The following REEP3 variants were observed in gnomAD, a reference collection of about 807,000 sequenced individuals.
The protein encoded by REEP3 is receptor expression-enhancing protein 3.
A neutral mutation model predicts 41.3 loss-of-function variants in REEP3; 20 were observed. The ratio of observed to expected loss-of-function variants is 0.48; its 90% CI spans 0.34 to 0.70. REEP3 has a LOEUF of 0.70. Among genes scored for constraint, REEP3 ranks in the 30% least tolerant of loss-of-function variants. The pLI is 0.01. For missense variants in REEP3, 271 were observed against 308.8 expected, an observed-to-expected ratio of 0.88 and a Z score of 0.92; for synonymous variants, 104 against 101.8, an observed-to-expected ratio of 1.02 and a Z score of -0.13.
intron 1 of REEP3, among the ~76,000 whole-genome samples, chr10:63,550,227 G>A (rs1191605286): frequency 1.3e-5 from 2 of 152,170 alleles, no homozygotes; most frequent in African/African-American, 4.8e-5. Flanking sequence ...ATTATACCAT[G>A]GGAAGGAGGT....
At chr10:63,537,655 T>G (rs536428579) in intron 1 of REEP3, among the ~76,000 whole-genome samples, 1 of 152,232 alleles carries the variant, frequency 6.6e-6, no homozygotes, top group Non-Finnish European at 1.5e-5. Context: ...AGGGAGCAGG[T>G]AGCAACGGAA....
At chr10:63,545,523 C>G (rs534505471) in intron 1 of REEP3, among the ~76,000 whole-genome samples, 1 of 151,564 alleles carries the variant, frequency 6.6e-6, no homozygotes, top group African/African-American at 2.4e-5. Context: ...TACAGGCACC[C>G]GCCACCATGC....
intron 1 of REEP3, among the ~76,000 whole-genome samples, chr10:63,533,766 G>A (rs1955448514): frequency 7.6e-6 from 1 of 131,600 alleles, no homozygotes; most frequent in Admixed American, 8.6e-5. Context: ...GGAGTGCAGT[G>A]GCGCGATCTC....
At chr10:63,607,075 T>C (rs1956235450) in intron 5 of REEP3, among the ~76,000 whole-genome samples, 1 of 152,238 alleles carries the variant, frequency 6.6e-6, no homozygotes, top group African/African-American at 2.4e-5. Context: ...TCTTCAGAAG[T>C]GATTACTTTG....
chr10:63,544,860 G>A (rs1050658483), intron 1 of REEP3, among the ~76,000 whole-genome samples: 4 of 152,192 alleles, frequency 2.6e-5, no homozygotes, highest in South Asian at 2.1e-4. Context: ...TTGAGAAGAC[G>A]ACCCAATTCT....
At chr10:63,613,574 C>T (rs1956291554) in intron 6 of REEP3, among the ~76,000 whole-genome samples, 1 of 152,096 alleles carries the variant, frequency 6.6e-6, no homozygotes, top group Non-Finnish European at 1.5e-5. Flanking sequence ...TCTCTCTTGA[C>T]CGTATTTTTA....
intron 4 of REEP3, among the ~76,000 whole-genome samples, 156 bp downstream of exon 4, chr10:63,598,300 T>C (rs1357406203): frequency 1.3e-5 from 2 of 149,134 alleles, no homozygotes; most frequent in East Asian, 4.0e-4. Context: ...GCCAACATGG[T>C]GAAACCCCAC....
chr10:63,592,614 G>A (rs1956074848), intron 2 of REEP3, among the ~76,000 whole-genome samples: 2 of 152,182 alleles, frequency 1.3e-5, no homozygotes, highest in Non-Finnish European at 2.9e-5. Context: ...TTATGGGCCG[G>A]GCGCGGTGGC....
chr10:63,561,341 G>T (rs950933874), intron 1 of REEP3, among the ~76,000 whole-genome samples: 3 of 152,172 alleles, frequency 2.0e-5, no homozygotes, highest in Admixed American at 6.5e-5. Context: ...AGGAAGGGTA[G>T]ATCTTGAAGA....
At chr10:63,611,470 T>C (rs933579388) in intron 6 of REEP3, among the ~76,000 whole-genome samples, 1 of 152,206 alleles carries the variant, frequency 6.6e-6, no homozygotes, top group Non-Finnish European at 1.5e-5. Flanking sequence ...TCATAGTTAA[T>C]ATATTCTAAA....
intron 5 of REEP3, among the ~76,000 whole-genome samples, chr10:63,602,487 C>A (rs900054692): frequency 6.6e-6 from 1 of 152,180 alleles, no homozygotes; most frequent in Non-Finnish European, 1.5e-5. Flanking sequence ...CATCCTTCAA[C>A]ATGGTTCTAT....
chr10:63,528,390 C>T lies in REEP3; in HGVS notation c.32+6813C>T, dbSNP rs1434924228. Among the ~76,000 whole-genome samples, 3 of 152,272 alleles carry T rather than the reference C, an allele frequency of 2.0e-5. No individual in the cohort carries two copies. The East Asian group carries it at 5.8e-4, about 29-fold the overall frequency. The stretch of plus-strand genomic sequence containing the variant: ...TTTCTCTAGTTCCCTACATTGAATC[C>T]GCAAATCTTGTTGACTCTGCTTTCA... On this transcript the variant is annotated intron_variant, in intron 1 of 7. Transcript: ENST00000373758.
At chr10:63,601,024 G>A (rs1383495304) in intron 5 of REEP3, among the ~76,000 whole-genome samples, 1 of 151,874 alleles carries the variant, frequency 6.6e-6, no homozygotes, top group Non-Finnish European at 1.5e-5. Flanking sequence ...GTGGTGGGGG[G>A]GCGCCTGTAA....
chr10:63,568,106 CATATTCTAAT>C (rs1237036840), intron 2 of REEP3, among the ~76,000 whole-genome samples: 1 of 143,548 alleles, frequency 7.0e-6, no homozygotes, highest in Non-Finnish European at 1.5e-5. Context: ...CTTGAAGGTT[CATATTCTAAT>C]ATAAGTTGGA....
intron 2 of REEP3, among the ~76,000 whole-genome samples, chr10:63,569,417 G>T (rs1312520624): frequency 6.6e-6 from 1 of 150,838 alleles, no homozygotes; most frequent in African/African-American, 2.4e-5. Flanking sequence ...TGCTGTGTGT[G>T]TGTGTGCATT....
At chr10:63,542,204 C>G (rs1297710382) in intron 1 of REEP3, among the ~76,000 whole-genome samples, 1 of 152,002 alleles carries the variant, frequency 6.6e-6, no homozygotes, top group Non-Finnish European at 1.5e-5. Context: ...TTCAGCCCCA[C>G]TAGTAGCTGG....
chr10:63,531,420 G>A (rs1955420049), intron 1 of REEP3, among the ~76,000 whole-genome samples: 1 of 152,136 alleles, frequency 6.6e-6, no homozygotes, highest in Admixed American at 6.6e-5. Flanking sequence ...CTCCAGATAT[G>A]GAATTGACAT....
At chr10:63,537,967 C>A (rs1412915519) in intron 1 of REEP3, among the ~76,000 whole-genome samples, 1 of 144,956 alleles carries the variant, frequency 6.9e-6, no homozygotes, top group East Asian at 2.2e-4. Context: ...CCCCCGACCC[C>A]CATTGATTTC....
At chr10:63,566,276 T>G in intron 1 of REEP3, 62 bp from the exon 2 acceptor site, 1 of 904,690 alleles carries the variant, frequency 1.1e-6, no homozygotes. Flanking sequence ...TAGGTTAAAT[T>G]TTTATGAGCT....
Sources: allele counts gnomAD v4.1 joint callset (sites outside exome capture counted in the v4.1 genomes callset), GRCh38; gene constraint gnomAD v4.1.1; transcripts MANE v1.5; gene names NCBI Gene and HGNC (gene_info 2026-07-23, HGNC 2026-07-21).